Variants in NWD2 observed in about 807,000 individuals in gnomAD.
NWD2 encodes NACHT and WD repeat domain containing 2, also known as NACHT and WD repeat domain-containing protein 2.
Under a neutral mutation model 132.7 loss-of-function variants are expected in NWD2, and 37 were observed. The ratio of observed to expected loss-of-function variants is 0.28; its 90% CI spans 0.21 to 0.37. The LOEUF is 0.37. Ranked by LOEUF, NWD2 falls within the 10% of genes least tolerant of loss-of-function variation. The pLI is 1.00. For missense variants in NWD2, 1,592 were observed against 2,122.4 expected, an observed-to-expected ratio of 0.75 and a Z score of 4.91; for synonymous variants, 705 against 803.0, an observed-to-expected ratio of 0.88 and a Z score of 2.06.
At chr4:37,291,860 G>A (rs1428115690) in intron 1 of NWD2, among the ~76,000 whole-genome samples, 2 of 151,942 alleles carry the variant, frequency 1.3e-5, no homozygotes, top group Non-Finnish European at 2.9e-5. Context: ...TAAAATTAAG[G>A]CACCATGCAT....
At chr4:37,441,229 C>T (rs573397263) in intron 6 of NWD2, among the ~76,000 whole-genome samples, 2 of 152,328 alleles carry the variant, frequency 1.3e-5, no homozygotes, top group African/African-American at 4.8e-5. Flanking sequence ...TTAGGGTCCA[C>T]ATTGCATTGC....
intron 3 of NWD2, among the ~76,000 whole-genome samples, chr4:37,399,626 A>T (rs1720863917): frequency 6.6e-6 from 1 of 152,118 alleles, no homozygotes; most frequent in African/African-American, 2.4e-5. Flanking sequence ...CCTATTGTTG[A>T]TGTGAAGTGA....
At position 37,312,690 on chromosome 4, in the gene NWD2, G is replaced by C. The variant is rs988030452; in HGVS notation, c.152-13246G>C. Among the ~76,000 whole-genome samples the C allele has an allele frequency of 7.3e-5, 11 of 150,860 alleles. 2 individuals carry two copies. The highest frequency in any genetic ancestry group is 2.7e-4 in the African/African-American group (11 of 40,196). On this transcript the variant is annotated intron_variant, in intron 1 of 6. Coordinates refer to ENST00000309447, the MANE Select transcript of NWD2 (RefSeq NM_001144990.2). ...TGTTGAATAGGAGTGGTGAGAGAGG[G>C]CATCCCTGTCTTGTGCCAGTTTTCA...
At chr4:37,306,712 C>T (rs574555431) in intron 1 of NWD2, among the ~76,000 whole-genome samples, 2 of 152,200 alleles carry the variant, frequency 1.3e-5, no homozygotes, top group Admixed American at 6.5e-5. Context: ...TTGCAGCCTA[C>T]CATGTGATCT....
intron 1 of NWD2, among the ~76,000 whole-genome samples, chr4:37,288,152 G>T (rs903304592): frequency 6.6e-6 from 1 of 152,252 alleles, no homozygotes; most frequent in Middle Eastern, 3.4e-3. Flanking sequence ...ACACACCAGG[G>T]CCTCTTAGGG....
At chr4:37,342,325 A>G (rs892108214) in intron 2 of NWD2, among the ~76,000 whole-genome samples, 4 of 152,024 alleles carry the variant, frequency 2.6e-5, no homozygotes, top group African/African-American at 4.8e-5. Flanking sequence ...GCCTTCCACC[A>G]TGAGTAAAAG....
chr4:37,364,090 A>T (rs1720038061), intron 3 of NWD2, among the ~76,000 whole-genome samples: 1 of 152,208 alleles, frequency 6.6e-6, no homozygotes, highest in Admixed American at 6.5e-5. Context: ...GTGAGCCAAG[A>T]TCACACCACT....
chr4:37,375,911 A>G (rs1384658271), intron 3 of NWD2, among the ~76,000 whole-genome samples: 1 of 152,216 alleles, frequency 6.6e-6, no homozygotes, highest in Admixed American at 6.5e-5. Flanking sequence ...GTGGCTTTAG[A>G]GAACTTGTTT....
intron 3 of NWD2, among the ~76,000 whole-genome samples, chr4:37,410,082 G>A (rs1005028612): frequency 1.3e-5 from 2 of 152,152 alleles, no homozygotes; most frequent in Non-Finnish European, 2.9e-5. Context: ...TCAACACTGT[G>A]AAGAAACTGC....
At chr4:37,301,163 T>C (rs1039629491) in intron 1 of NWD2, among the ~76,000 whole-genome samples, 14 of 152,280 alleles carry the variant, frequency 9.2e-5, no homozygotes, top group East Asian at 7.7e-4. Flanking sequence ...TTCTGGCTTC[T>C]AATGCTGTTG....
intron 3 of NWD2, among the ~76,000 whole-genome samples, chr4:37,368,094 A>G (rs930486416): frequency 6.6e-6 from 1 of 152,124 alleles, no homozygotes; most frequent in Non-Finnish European, 1.5e-5. Flanking sequence ...TCGCTAGCCT[A>G]GTGTGTGATA....
Position 37,341,476 on chromosome 4 carries a change from G to A in NWD2, c.241-14890G>A, listed in dbSNP as rs184192185. On this transcript the variant is annotated intron_variant, in intron 2 of 6. Transcript: ENST00000309447. ...AATTATACATGTTGTACATGTACAC[G>A]TGTGTGAGTGCATGTATGTATAGCC... is the stretch of plus-strand genomic sequence containing the variant. Among the ~76,000 whole-genome samples, 703 of 152,230 alleles carry A rather than the reference G, an allele frequency of 4.6e-3. 6 individuals carry two copies. The highest frequency in any genetic ancestry group is 0.017 in the Middle Eastern group (5 of 292).
At chr4:37,362,393 A>T (rs1719998060) in intron 3 of NWD2, among the ~76,000 whole-genome samples, 1 of 152,222 alleles carries the variant, frequency 6.6e-6, no homozygotes. Flanking sequence ...AGCTGGAGGC[A>T]TCACCACATT....
rs893013030 is a variant in NWD2 at position 37,449,322 on chromosome 4, A to C, written c.*2105A>C. ...TTTGTATCGTTGGGAAGAATTACCC[A>C]ATCAGAGATTTATATTTTCATAAAT... On this transcript the variant is annotated 3_prime_UTR_variant, in exon 7 of 7. Coordinates refer to ENST00000309447, the MANE Select transcript of NWD2 (RefSeq NM_001144990.2). 1 of 152,228 alleles carries C rather than the reference A, an allele frequency of 6.6e-6. No individual in the cohort carries two copies. Among genetic ancestry groups the C allele is most frequent in the Admixed American group, 6.5e-5 (1 of 15,282 alleles). The allele number at this position is 152,228 out of a possible 1,614,324, so 9.4% of individuals were successfully genotyped here.
rs1712437216 is a variant in NWD2 at position 37,439,965 on chromosome 4, A to T, written c.1296+575A>T. 6.6e-6 allele frequency among the ~76,000 whole-genome samples: 1 copy of T among 152,198 alleles called. No individual in the cohort carries two copies. Among genetic ancestry groups the T allele is most frequent in the African/African-American group, 2.4e-5 (1 of 41,436 alleles). On this transcript the variant is annotated intron_variant, in intron 6 of 6. Transcript: ENST00000309447. This position sits in a 1 kb window ranked among gnomAD's most constrained non-coding sequence, Gnocchi z 4.5. ...ACAGTTTAGGGGATATGGGAAAGGT[A>T]AGGTGGCCAGAAAGTTATTACGTAA...
intron 1 of NWD2, among the ~76,000 whole-genome samples, chr4:37,264,077 C>A (rs1435967670): frequency 6.6e-6 from 1 of 152,052 alleles, no homozygotes; most frequent in Non-Finnish European, 1.5e-5. Context: ...TTGGACTGAC[C>A]AACCCATTCA....
At chr4:37,268,486 G>C (rs1717803948) in intron 1 of NWD2, among the ~76,000 whole-genome samples, 1 of 151,878 alleles carries the variant, frequency 6.6e-6, no homozygotes, top group Non-Finnish European at 1.5e-5. Flanking sequence ...CCAGGACTCT[G>C]TTGTATTCAT....
intron 5 of NWD2, among the ~76,000 whole-genome samples, 167 bp downstream of exon 5, chr4:37,434,187 A>G (rs1001197849): frequency 2.8e-4 from 43 of 152,318 alleles, no homozygotes; most frequent in African/African-American, 8.7e-4. Context: ...TGTTTTAATT[A>G]TAGAAAAGCC....
chr4:37,294,131 A>G (rs2109273537), intron 1 of NWD2, among the ~76,000 whole-genome samples: 1 of 152,296 alleles, frequency 6.6e-6, no homozygotes, highest in African/African-American at 2.4e-5. Flanking sequence ...AGGGAACCAC[A>G]GAGTTGATGC....
Sources: allele counts gnomAD v4.1 joint callset (sites outside exome capture counted in the v4.1 genomes callset), GRCh38; gene constraint gnomAD v4.1.1; non-coding constraint Gnocchi (gnomAD v3.1); transcripts MANE v1.5; gene names NCBI Gene and HGNC (gene_info 2026-07-23, HGNC 2026-07-21).